The following ACOT11 variants were observed in gnomAD, a reference collection of about 807,000 sequenced individuals.
ACOT11 encodes acyl-coenzyme A thioesterase 11.
A neutral mutation model predicts 77.5 loss-of-function variants in ACOT11; 69 were observed. That is an observed-to-expected ratio of 0.89 (90% CI 0.73 to 1.09). The LOEUF is 1.09. Ranked by LOEUF, ACOT11 falls within the 50% of genes least tolerant of loss-of-function variation. The pLI is 0.00. For synonymous variants in ACOT11, 279 were observed against 313.0 expected (o/e 0.89, Z 1.15); for missense variants, 766 against 813.7 (o/e 0.94, Z 0.71).
At chr1:54,566,391 A>T (rs937867622) in intron 1 of ACOT11, among the ~76,000 whole-genome samples, 43 of 148,574 alleles carry the variant, frequency 2.9e-4, no homozygotes, top group African/African-American at 1.0e-3. Flanking sequence ...CGGGAGATGG[A>T]GATTGCAGTG....
chr1:54,614,634 C>G (rs561746742), downstream of ACOT11: 32 of 1,512,960 alleles, frequency 2.1e-5, no homozygotes, highest in East Asian at 7.1e-4. Context: ...CCTAAGATCC[C>G]CATCCTGTGG....
At chr1:54,594,862 G>C (rs887000278) in intron 6 of ACOT11, among the ~76,000 whole-genome samples, 171 bp downstream of exon 6, 1 of 152,192 alleles carries the variant, frequency 6.6e-6, no homozygotes, top group Admixed American at 6.5e-5. Context: ...CCAGGGAAGG[G>C]GAGTGTTTGG....
At chr1:54,604,198 A>T (rs1333168814) in intron 11 of ACOT11, 148 bp from the exon 12 acceptor site, 1 of 729,022 alleles carries the variant, frequency 1.4e-6, no homozygotes, top group African/African-American at 1.7e-5. Flanking sequence ...CTCAACGCCC[A>T]GGACTCTTTC....
chr1:54,625,098 C>G (rs963702021), intron 15 of ACOT11, among the ~76,000 whole-genome samples: 1 of 96,350 alleles, frequency 1.0e-5, no homozygotes, highest in Non-Finnish European at 2.6e-5. Flanking sequence ...TTCAACACCC[C>G]CTCCCCACCA....
intron 12 of ACOT11, 132 bp downstream of exon 12, chr1:54,604,561 A>T (rs1644002545): frequency 1.2e-6 from 1 of 857,022 alleles, no homozygotes; most frequent in East Asian, 2.7e-5. Flanking sequence ...AGATCAAGAA[A>T]CCAGTCCAGT....
At chr1:54,603,744 C>A in intron 10 of ACOT11, 127 bp from the exon 11 acceptor site, 2 of 862,542 alleles carry the variant, frequency 2.3e-6, no homozygotes, top group South Asian at 1.5e-5. Context: ...AGCCTCCCTA[C>A]CCAGACAGGA....
intron 15 of ACOT11, among the ~76,000 whole-genome samples, chr1:54,630,135 G>A (rs1193416707): frequency 2.2e-5 from 3 of 133,508 alleles, no homozygotes; most frequent in Non-Finnish European, 5.1e-5. Context: ...TCTTGACCTC[G>A]TGATCCACCT....
intron 15 of ACOT11, chr1:54,616,084 G>T (rs753726688): frequency 1.2e-5 from 19 of 1,613,362 alleles, no homozygotes; most frequent in East Asian, 8.9e-5. Flanking sequence ...TGTAGATAGT[G>T]GGGGGGTGTG....
At chr1:54,592,949 G>A (rs146205157) in intron 4 of ACOT11, among the ~76,000 whole-genome samples, 62 of 152,294 alleles carry the variant, frequency 4.1e-4, no homozygotes, top group Admixed American at 3.2e-3. Context: ...CAGCATGAGC[G>A]CCTGATCTTG....
At chr1:54,566,469 A>T (rs1653736812) in intron 1 of ACOT11, among the ~76,000 whole-genome samples, 1 of 151,534 alleles carries the variant, frequency 6.6e-6, no homozygotes, top group African/African-American at 2.4e-5. Context: ...AAAAAAAAAA[A>T]AAAAGCCGAG....
rs779176910 is a variant in ACOT11 at position 54,619,943 on chromosome 1, C to G, written c.1630-10791C>G. The G allele has an allele frequency of 8.1e-6, 13 of 1,614,098 alleles. 1 individual carries two copies. Among genetic ancestry groups the G allele is most frequent in the Non-Finnish European group, 1.1e-5 (13 of 1,180,052 alleles). ...CCTCCAAGGCATCTCGCCGGCTGAT[C>G]TGGCCCAGGCTCAGCAGGTAGTCCA... is the stretch of plus-strand genomic sequence containing the variant. On this transcript the variant is annotated intron_variant, in intron 15 of 16. Coordinates refer to the ACOT11 transcript ENST00000371316.
intron 4 of ACOT11, among the ~76,000 whole-genome samples, chr1:54,593,546 C>T (rs186650800): frequency 3.1e-4 from 47 of 151,500 alleles, no homozygotes; most frequent in African/African-American, 1.1e-3. Flanking sequence ...GTGATCCTCC[C>T]GCTGCAGCCT....
At chr1:54,595,252 A>G (rs1441749618) in intron 6 of ACOT11, among the ~76,000 whole-genome samples, 2 of 152,126 alleles carry the variant, frequency 1.3e-5, no homozygotes, top group Non-Finnish European at 2.9e-5. Flanking sequence ...GGGCTGAAGC[A>G]GGAGAATCGC....
chr1:54,591,922 C>T (rs1654726023), intron 3 of ACOT11, among the ~76,000 whole-genome samples: 1 of 152,256 alleles, frequency 6.6e-6, no homozygotes, highest in Non-Finnish European at 1.5e-5. Context: ...GTGCCTGGCA[C>T]CTAGCAGGCA....
At position 54,603,908 on chromosome 1, in the gene ACOT11, C is replaced by G. The variant is rs375894758; in HGVS notation, c.1123C>G (p.Leu375Val). 1 of 1,614,136 alleles carries G rather than the reference C, an allele frequency of 6.2e-7. No homozygotes were observed. The highest frequency in any genetic ancestry group is 8.5e-7 in the Non-Finnish European group (1 of 1,179,998). ...GTCCTGTAAGCAGACAGAGGTGCCC[C>G]TCTCCGTCCCCTGGGACCCTAGCAA... Reference protein sequence around the residue: ...IVSCKQTEVPLSVPWDPSNQV... With the variant: ...IVSCKQTEVPVSVPWDPSNQV... The change falls in exon 11 of 16, where the codon CTC becomes GTC. Residue 375 changes from leucine (L) to valine (V), a missense_variant. Physicochemically the swap from Leu to Val is conservative, Grantham distance 32. Coordinates refer to ENST00000343744, the MANE Select transcript of ACOT11 (RefSeq NM_147161.4).
downstream of ACOT11, chr1:54,614,939 GGTGTGT>G (rs71045199): frequency 9.1e-6 from 11 of 1,210,072 alleles, no homozygotes; most frequent in South Asian, 5.8e-5. Flanking sequence ...AAGCAGAGCG[GGTGTGT>G]GTGTGTGTGC....
Position 54,622,759 on chromosome 1 carries a change from G to A in ACOT11, c.1630-7975G>A, listed in dbSNP as rs145059641. ...CCGTCTCAAAAAAAATAGTTAACGG[G>A]ACTTTCTGCTGGGGAAGTCAACGGG... On this transcript the variant is annotated intron_variant, in intron 15 of 16. Transcript: ENST00000371316. 9.7e-3 allele frequency among the ~76,000 whole-genome samples: 1,440 copies of A among 147,926 alleles called. 8 individuals are homozygous for A. Among genetic ancestry groups the A allele is most frequent in the South Asian group, 0.021 (97 of 4,614 alleles).
chr1:54,601,072 TGTGA>T (rs1156314617), intron 8 of ACOT11, among the ~76,000 whole-genome samples, 193 bp from the exon 9 acceptor site: 2 of 152,056 alleles, frequency 1.3e-5, no homozygotes, highest in Non-Finnish European at 2.9e-5. Flanking sequence ...CAGGAGTGTA[TGTGA>T]GTGTGTGTGT....
At chr1:54,563,183 C>G (rs1012161937) in intron 1 of ACOT11, among the ~76,000 whole-genome samples, 3 of 152,222 alleles carry the variant, frequency 2.0e-5, no homozygotes, top group African/African-American at 7.2e-5. Context: ...GATGGGGTTT[C>G]GCCATGTTGC....
Sources: allele counts gnomAD v4.1 joint callset (sites outside exome capture counted in the v4.1 genomes callset), GRCh38; gene constraint gnomAD v4.1.1; transcripts MANE v1.5; gene names NCBI Gene and HGNC (gene_info 2026-07-23, HGNC 2026-07-21).